MYEF2: variants seen among roughly 807,000 people sequenced by gnomAD.
MYEF2 encodes the protein myelin expression factor 2.
Under a neutral mutation model 75.2 loss-of-function variants are expected in MYEF2, and 37 were observed. That is an observed-to-expected ratio of 0.49 (90% CI 0.38 to 0.65). The LOEUF is 0.65. Among genes scored for constraint, MYEF2 ranks in the 30% least tolerant of loss-of-function variants. The pLI, the probability that MYEF2 is intolerant of heterozygous loss-of-function variation, is 0.00. For missense variants in MYEF2, 634 were observed against 771.4 expected (o/e 0.82, Z 2.11); for synonymous variants, 195 against 241.6 (o/e 0.81, Z 1.79).
intron 1 of MYEF2, among the ~76,000 whole-genome samples, chr15:48,172,415 G>C (rs890137708): frequency 7.4e-6 from 1 of 135,714 alleles, no homozygotes; most frequent in African/African-American, 2.8e-5. Flanking sequence ...AAAAAAAAAA[G>C]AATAAAGATC....
chr15:48,136,756 C>A lies in MYEF2; in HGVS notation c.*6152G>T. The A allele has an allele frequency of 1.2e-6, 2 of 1,613,256 alleles. No individual in the cohort carries two copies. The highest frequency in any genetic ancestry group is 1.7e-6 in the Non-Finnish European group (2 of 1,179,632). ...GCTGTGTTTTGACATTAAAATTAAC[C>A]AATATATTATAAAGAAATGCAGTCC... is the stretch of plus-strand genomic sequence containing the variant. On this transcript the variant is annotated 3_prime_UTR_variant, in exon 17 of 17. Transcript: ENST00000324324.
In MYEF2 at chr15:48,142,403, G is replaced by A; in HGVS notation, c.*505C>T. 8.2e-7 allele frequency: 1 copy of A among 1,225,726 alleles called. No homozygotes were observed. The highest frequency in any genetic ancestry group is 1.1e-6 in the Non-Finnish European group (1 of 899,576). The allele number at this position is 1,225,726 out of a possible 1,614,324, so 75.9% of individuals were successfully genotyped here. ...TATGAATGGCAGGGAGGGGCAGAGA[G>A]AAAAATCCATTTCTTCATTTAAATC... On this transcript the variant is annotated 3_prime_UTR_variant, in exon 17 of 17. Transcript: ENST00000324324.
At chr15:48,152,126 T>C in intron 11 of MYEF2, 108 bp downstream of exon 11, 1 of 1,251,540 alleles carries the variant, frequency 8.0e-7, no homozygotes, top group South Asian at 1.2e-5. Context: ...CTTTAGAACA[T>C]GAGCCAACAA....
Position 48,138,943 on chromosome 15 carries a change from A to T in MYEF2, c.*3965T>A. 6.4e-7 allele frequency: 1 copy of T among 1,572,348 alleles called. No individual in the cohort carries two copies. Among genetic ancestry groups the T allele is most frequent in the Non-Finnish European group, 8.7e-7 (1 of 1,152,850 alleles). ...CTTAATTAGCCATTTGAGAAAACTCAAAAGTGTTTACTTTTTCCACAACAG... is the reference window on the plus strand; with the variant it reads ...CTTAATTAGCCATTTGAGAAAACTCTAAAGTGTTTACTTTTTCCACAACAG... On this transcript the variant is annotated 3_prime_UTR_variant, in exon 17 of 17. Coordinates refer to ENST00000324324, the MANE Select transcript of MYEF2 (RefSeq NM_016132.5).
intron 3 of MYEF2, among the ~76,000 whole-genome samples, chr15:48,167,119 T>C (rs2140917363): frequency 6.6e-6 from 1 of 152,150 alleles, no homozygotes; most frequent in East Asian, 1.9e-4. Flanking sequence ...AGTATTACCT[T>C]AGAGCATTGG....
At chr15:48,160,486 T>TACATACACACACAC (rs200591805) in intron 5 of MYEF2, among the ~76,000 whole-genome samples, 201 of 139,302 alleles carry the variant, frequency 1.4e-3, no homozygotes, top group African/African-American at 4.9e-3. Flanking sequence ...AAACCAAACA[T>TACATACACACACAC]ACACACACAC....
At position 48,136,700 on chromosome 15, in the gene MYEF2, T is replaced by G; in HGVS notation, c.*6208A>C. 6.2e-7 allele frequency: 1 copy of G among 1,607,872 alleles called. No individual in the cohort carries two copies. Among genetic ancestry groups the G allele is most frequent in the Non-Finnish European group, 8.5e-7 (1 of 1,176,572 alleles). On this transcript the variant is annotated 3_prime_UTR_variant, in exon 17 of 17. Coordinates refer to ENST00000324324, the MANE Select transcript of MYEF2 (RefSeq NM_016132.5). ...TTTTGTAGGTATGAAGGGGCTTTAC[T>G]GCTTTTGATATATGGATTGTATGTT... is the stretch of plus-strand genomic sequence containing the variant.
Position 48,178,062 on chromosome 15 carries a change from AG to A in MYEF2, c.161+14del. 6.3e-7 allele frequency: 1 copy of A among 1,591,120 alleles called. No homozygotes were observed. Among genetic ancestry groups the A allele is most frequent in the Non-Finnish European group, 8.6e-7 (1 of 1,169,100 alleles). ...CCCCCCACCTCGCCCCGGTTCCCGG[AG>A]GAAAAGACAATACATTTTAACGCCA... On this transcript the variant is annotated intron_variant, in intron 1 of 16. Transcript: ENST00000324324.
In MYEF2 at chr15:48,139,710, G is replaced by C. The variant is rs2039004152; in HGVS notation, c.*3198C>G. 1 of 152,126 alleles carries C rather than the reference G, an allele frequency of 6.6e-6. No homozygotes were observed. Among genetic ancestry groups the C allele is most frequent in the African/African-American group, 2.4e-5 (1 of 41,414 alleles). 9.4% of individuals were successfully genotyped at this position (152,126 alleles called of 1,614,324 possible). ...AGGTTTCTACTACCTTCATGATTAA[G>C]ACTTAACTAGCTACTGCTGCTTGGC... On this transcript the variant is annotated 3_prime_UTR_variant, in exon 17 of 17. Transcript: ENST00000324324.
intron 10 of MYEF2, chr15:48,153,019 T>C (rs919026281): frequency 2.1e-5 from 3 of 139,580 alleles, no homozygotes; most frequent in Admixed American, 6.7e-5. Context: ...GAGTTTAAGG[T>C]GTAATTTTCC....
In MYEF2 at chr15:48,141,215, G is replaced by GT. The variant is rs751251624; in HGVS notation, c.*1692dup. 1 of 1,606,960 alleles carries GT rather than the reference G, an allele frequency of 6.2e-7. No homozygotes were observed. Among genetic ancestry groups the GT allele is most frequent in the Admixed American group, 1.7e-5 (1 of 59,980 alleles). On this transcript the variant is annotated 3_prime_UTR_variant, in exon 17 of 17. Transcript: ENST00000324324. ...GCAAGTGTGTTGGTTGCAAGAAAAG[G>GT]TAAGAACTAGGTCCCTCAAGCTGCA...
chr15:48,135,058 A>G lies in MYEF2; in HGVS notation c.*7850T>C, dbSNP rs1270149673. 5 of 1,205,652 alleles carry G rather than the reference A, an allele frequency of 4.1e-6. No individual in the cohort carries two copies. The highest frequency in any genetic ancestry group is 6.0e-6 in the Non-Finnish European group (5 of 826,768). The allele number at this position is 1,205,652 out of a possible 1,614,324, so 74.7% of individuals were successfully genotyped here. Reference sequence around the variant, plus strand: ...TCTGATGGTTCAGTAATTTTTTTTCAGAAATGTTATTTCAGTCACTTAATC... The same window carrying G: ...TCTGATGGTTCAGTAATTTTTTTTCGGAAATGTTATTTCAGTCACTTAATC... On this transcript the variant is annotated 3_prime_UTR_variant, in exon 17 of 17. Coordinates refer to ENST00000324324, the MANE Select transcript of MYEF2 (RefSeq NM_016132.5).
At position 48,140,966 on chromosome 15, in the gene MYEF2, T is replaced by TA; in HGVS notation, c.*1941dup. 3 of 569,700 alleles carry TA rather than the reference T, an allele frequency of 5.3e-6. 1 individual carries two copies. In the African/African-American group the frequency reaches 5.7e-5, roughly 11 times the overall value. 35.3% of individuals were successfully genotyped at this position (569,700 alleles called of 1,614,324 possible). A position where few individuals can be genotyped will look rare whatever the true frequency, so the allele number is the denominator to read the frequency against. On this transcript the variant is annotated 3_prime_UTR_variant, in exon 17 of 17. Transcript: ENST00000324324. ...AGCCTGATTCAAATATGTTGCTAGCTAAAAAACTAATAAGCAAGCACATAT... is the reference window on the plus strand; with the variant it reads ...AGCCTGATTCAAATATGTTGCTAGCTAAAAAAACTAATAAGCAAGCACATAT...
At chr15:48,163,462 C>T (rs1490641604) in intron 5 of MYEF2, among the ~76,000 whole-genome samples, 1 of 152,144 alleles carries the variant, frequency 6.6e-6, no homozygotes, top group Admixed American at 6.6e-5. Flanking sequence ...AAGAAGCCAT[C>T]TCTATAACAT....
At position 48,136,771 on chromosome 15, in the gene MYEF2, A is replaced by G; in HGVS notation, c.*6137T>C. ...TAAAATTAACCAATATATTATAAAG[A>G]AATGCAGTCCTTGCTGCGCCTGTCT... On this transcript the variant is annotated 3_prime_UTR_variant, in exon 17 of 17. Coordinates refer to ENST00000324324, the MANE Select transcript of MYEF2 (RefSeq NM_016132.5). 1.2e-6 allele frequency: 2 copies of G among 1,613,698 alleles called. No individual in the cohort carries two copies. The highest frequency in any genetic ancestry group is 1.7e-6 in the Non-Finnish European group (2 of 1,179,814).
intron 5 of MYEF2, among the ~76,000 whole-genome samples, chr15:48,162,508 T>C (rs1335550895): frequency 3.3e-5 from 5 of 152,300 alleles, no homozygotes; most frequent in Admixed American, 3.3e-4. Context: ...TTACCATGTA[T>C]CTCATTTAAT....
Position 48,152,150 on chromosome 15 carries a change from T to C in MYEF2, c.1138+84A>G. The C allele has an allele frequency of 1.4e-6, 2 of 1,391,164 alleles. 1 individual carries two copies. The highest frequency in any genetic ancestry group is 2.9e-5 in the African/African-American group (2 of 69,244). 86.2% of individuals were successfully genotyped at this position (1,391,164 alleles called of 1,614,324 possible). Reference sequence around the variant, plus strand: ...ATGAGCCAACAATAAACCATGACTTTTTTTTCATGGAATTCTCAACACAGT... The same window carrying C: ...ATGAGCCAACAATAAACCATGACTTCTTTTTCATGGAATTCTCAACACAGT... On this transcript the variant is annotated intron_variant, in intron 11 of 16. Coordinates refer to ENST00000324324, the MANE Select transcript of MYEF2 (RefSeq NM_016132.5).
At chr15:48,153,749 A>G (rs371129075) in intron 10 of MYEF2, 43 bp downstream of exon 10, 36 of 1,486,006 alleles carry the variant, frequency 2.4e-5, no homozygotes, top group East Asian at 9.1e-5. Context: ...ATTAGCTAGC[A>G]TATGTATCAT....
chr15:48,159,928 T>C, intron 5 of MYEF2, 124 bp from the exon 6 acceptor site: 1 of 985,014 alleles, frequency 1.0e-6, no homozygotes, highest in Non-Finnish European at 1.4e-6. Flanking sequence ...TCTTGAAGAG[T>C]GAGCTTTTTT....
Sources: allele counts gnomAD v4.1 joint callset (sites outside exome capture counted in the v4.1 genomes callset), GRCh38; gene constraint gnomAD v4.1.1; transcripts MANE v1.5; gene names NCBI Gene and HGNC (gene_info 2026-07-23, HGNC 2026-07-21).